ZBTB7C: variants seen among roughly 807,000 people sequenced by gnomAD.
ZBTB7C encodes the protein zinc finger and BTB domain-containing protein 7C.
Under a neutral mutation model 25.7 loss-of-function variants are expected in ZBTB7C, and 8 were observed. The observed-to-expected ratio is 0.31, with a 90% CI of 0.18 to 0.56. The LOEUF (loss-of-function observed/expected upper bound fraction) is 0.56. Among genes scored for constraint, ZBTB7C ranks in the 20% least tolerant of loss-of-function variants. ZBTB7C has a pLI of 0.91. For synonymous variants in ZBTB7C, 394 were observed against 369.0 expected (o/e 1.07, Z -0.78); for missense variants, 824 against 855.2 (o/e 0.96, Z 0.46).
intron 1 of ZBTB7C, among the ~76,000 whole-genome samples, chr18:48,395,067 G>T (rs1490144632): frequency 6.6e-6 from 1 of 151,928 alleles, no homozygotes; most frequent in Non-Finnish European, 1.5e-5. Context: ...CATCAGGAAG[G>T]GTCACTAAGC....
chr18:48,072,285 A>T (rs2037572723), intron 3 of ZBTB7C, among the ~76,000 whole-genome samples: 1 of 152,226 alleles, frequency 6.6e-6, no homozygotes, highest in South Asian at 2.1e-4. Context: ...GAAGACCCCA[A>T]ACGGGGATAA....
chr18:48,222,507 C>A (rs1458076313), intron 2 of ZBTB7C, among the ~76,000 whole-genome samples: 1 of 152,190 alleles, frequency 6.6e-6, no homozygotes. Flanking sequence ...TCCCTCTATA[C>A]TGTCCAGTTT....
chr18:48,313,554 G>A (rs983898733), intron 2 of ZBTB7C, among the ~76,000 whole-genome samples: 3 of 152,204 alleles, frequency 2.0e-5, no homozygotes, highest in African/African-American at 7.2e-5. Context: ...CAGCAGCATA[G>A]GCCTTGTTAA....
intron 3 of ZBTB7C, among the ~76,000 whole-genome samples, chr18:48,052,700 A>C (rs2036745313): frequency 6.6e-6 from 1 of 152,122 alleles, no homozygotes; most frequent in African/African-American, 2.4e-5. Flanking sequence ...CTGGGGGAGG[A>C]ATTATAGTTA....
At chr18:48,405,278 C>T (rs2048253843) in intron 1 of ZBTB7C, among the ~76,000 whole-genome samples, 1 of 152,084 alleles carries the variant, frequency 6.6e-6, no homozygotes, top group Non-Finnish European at 1.5e-5. Context: ...CTATTTGGGG[C>T]AGAGTCAGGG....
chr18:48,307,571 C>T (rs548518047), intron 2 of ZBTB7C, among the ~76,000 whole-genome samples: 4 of 152,308 alleles, frequency 2.6e-5, no homozygotes, highest in East Asian at 1.9e-4. Flanking sequence ...CACCTCTGGC[C>T]GGGTGCGGTG....
At chr18:48,299,508 C>T (rs1402270337) in intron 2 of ZBTB7C, among the ~76,000 whole-genome samples, 1 of 152,234 alleles carries the variant, frequency 6.6e-6, no homozygotes, top group South Asian at 2.1e-4. Context: ...AGAAACTGAA[C>T]TTTGCAGTTG....
chr18:48,391,962 G>C (rs1568420318), intron 1 of ZBTB7C, among the ~76,000 whole-genome samples: 3 of 152,232 alleles, frequency 2.0e-5, no homozygotes, highest in Non-Finnish European at 2.9e-5. Flanking sequence ...GGCCACAACT[G>C]TCATCGTTCA....
intron 2 of ZBTB7C, among the ~76,000 whole-genome samples, chr18:48,334,873 G>A (rs1025690494): frequency 3.9e-5 from 6 of 152,286 alleles, no homozygotes; most frequent in African/African-American, 1.4e-4. Flanking sequence ...TCCCTGGGTT[G>A]GATCCCAAGA....
chr18:48,232,309 C>T (rs1322682172), intron 2 of ZBTB7C, among the ~76,000 whole-genome samples: 1 of 152,212 alleles, frequency 6.6e-6, no homozygotes, highest in African/African-American at 2.4e-5. Flanking sequence ...AAAGATTCTT[C>T]CCTATAACCT....
At chr18:48,132,985 C>T (rs1468699512) in intron 3 of ZBTB7C, among the ~76,000 whole-genome samples, 3 of 152,132 alleles carry the variant, frequency 2.0e-5, no homozygotes, top group Non-Finnish European at 2.9e-5. Flanking sequence ...TTGGAAAAGC[C>T]GACATAGATC....
chr18:48,290,985 C>G (rs1278332935), intron 2 of ZBTB7C, among the ~76,000 whole-genome samples: 4 of 152,208 alleles, frequency 2.6e-5, no homozygotes, highest in Admixed American at 2.0e-4. Flanking sequence ...AGAGGCTCCT[C>G]AAGTCATATT....
At chr18:48,098,841 A>C (rs2144599256) in intron 3 of ZBTB7C, among the ~76,000 whole-genome samples, 1 of 152,284 alleles carries the variant, frequency 6.6e-6, no homozygotes, top group East Asian at 1.9e-4. Context: ...TTCCTGCGGC[A>C]CTGAAATTGG....
chr18:48,195,871 C>CT (rs918160386), intron 2 of ZBTB7C, among the ~76,000 whole-genome samples: 55 of 151,148 alleles, frequency 3.6e-4, no homozygotes, highest in East Asian at 9.7e-4. Context: ...ATATTTTCTT[C>CT]TTTTTTTTTG....
intron 1 of ZBTB7C, among the ~76,000 whole-genome samples, chr18:48,373,755 A>T (rs11661058): frequency 0.31 from 47,697 of 152,094 alleles, 8,246 homozygotes; most frequent in Non-Finnish European, 0.38. Flanking sequence ...AGGTCAGGAG[A>T]TCGAGACCAT....
intron 2 of ZBTB7C, among the ~76,000 whole-genome samples, chr18:48,243,599 C>A (rs1376807337): frequency 1.3e-5 from 2 of 152,190 alleles, no homozygotes; most frequent in South Asian, 2.1e-4. Flanking sequence ...ACCATGACTG[C>A]CAAAAGCAAT....
At chr18:48,265,451 C>G (rs894301622) in intron 2 of ZBTB7C, among the ~76,000 whole-genome samples, 8 of 152,170 alleles carry the variant, frequency 5.3e-5, no homozygotes, top group African/African-American at 1.9e-4. Flanking sequence ...TTCGCTTAAG[C>G]TGGGCAAGTT....
At chr18:48,090,108 G>T (rs532898230) in intron 3 of ZBTB7C, among the ~76,000 whole-genome samples, 4 of 152,232 alleles carry the variant, frequency 2.6e-5, no homozygotes, top group Non-Finnish European at 5.9e-5. Context: ...CGCGGGAAGT[G>T]CCAGGAAAAC....
chr18:48,217,699 T>TA (rs140285137), intron 2 of ZBTB7C, among the ~76,000 whole-genome samples: 10,893 of 152,114 alleles, frequency 0.072, 735 homozygotes, highest in African/African-American at 0.18. Flanking sequence ...ATCACGGCAC[T>TA]AACCCCACTG....
Sources: gnomAD v4.1 joint callset for allele counts (sites outside exome capture counted in the v4.1 genomes callset) on GRCh38, gnomAD v4.1.1 for gene constraint, MANE v1.5 for transcripts, NCBI Gene and HGNC (gene_info 2026-07-23, HGNC 2026-07-21) for gene names.